GRIA2: variants seen among roughly 807,000 people sequenced by gnomAD.
The protein encoded by GRIA2 is glutamate ionotropic receptor AMPA type subunit 2, also known as glutamate receptor 2.
GRIA2 carries 14 observed loss-of-function variants against 97.3 expected under a neutral mutation model. The observed-to-expected ratio is 0.14, with a 90% CI of 0.10 to 0.23. GRIA2 has a LOEUF of 0.23. Ranked by LOEUF, GRIA2 falls within the 10% of genes least tolerant of loss-of-function variation. GRIA2 has a pLI of 1.00. For synonymous variants in GRIA2, 412 were observed against 387.8 expected (o/e 1.06, Z -0.73); for missense variants, 558 against 1,069.8 (o/e 0.52, Z 6.67).
In GRIA2 at chr4:157,364,655, T is replaced by C. The variant is rs1173559735; in HGVS notation, c.*1224T>C. 2 of 152,188 alleles carry C rather than the reference T, an allele frequency of 1.3e-5. No individual in the cohort carries two copies. Among genetic ancestry groups the C allele is most frequent in the Non-Finnish European group, 2.9e-5 (2 of 67,808 alleles). The allele number at this position is 152,188 out of a possible 1,614,324, so 9.4% of individuals were successfully genotyped here. A position where few individuals can be genotyped will look rare whatever the true frequency, so the allele number is the denominator to read the frequency against. The stretch of plus-strand genomic sequence containing the variant: ...GAAGTAAAAAATGCCTTGAAAGTAA[T>C]TCTTTAGATAGTTGCCCATTGATTA... On this transcript the variant is annotated 3_prime_UTR_variant, in exon 16 of 16. Coordinates refer to ENST00000264426, the MANE Select transcript of GRIA2 (RefSeq NM_001083619.3).
At chr4:157,232,146 A>C (rs1265637457) in intron 2 of GRIA2, among the ~76,000 whole-genome samples, 2 of 152,206 alleles carry the variant, frequency 1.3e-5, no homozygotes, top group Non-Finnish European at 2.9e-5. Flanking sequence ...CTAACTTGGA[A>C]AATTGAAAAC....
At chr4:157,273,983 T>TA in intron 2 of GRIA2, among the ~76,000 whole-genome samples, 1 of 152,074 alleles carries the variant, frequency 6.6e-6, no homozygotes, top group Admixed American at 6.6e-5. Context: ...ATGGGAAAAA[T>TA]ATCTCACCTA....
intron 2 of GRIA2, among the ~76,000 whole-genome samples, chr4:157,231,640 G>A (rs539495516): frequency 1.8e-4 from 27 of 152,268 alleles, no homozygotes; most frequent in African/African-American, 6.5e-4. Flanking sequence ...CGACTAGACT[G>A]CATTTTATAG....
At chr4:157,316,831 C>T (rs1734343750) in intron 4 of GRIA2, among the ~76,000 whole-genome samples, 1 of 152,192 alleles carries the variant, frequency 6.6e-6, no homozygotes, top group Non-Finnish European at 1.5e-5. Context: ...AAAAAACATA[C>T]ATTACATTAC....
chr4:157,355,697 T>G (rs1300180828), intron 12 of GRIA2, among the ~76,000 whole-genome samples: 1 of 40,590 alleles, frequency 2.5e-5, no homozygotes, highest in African/African-American at 4.3e-5. Flanking sequence ...TATTTATTTA[T>G]ATATATTTGT....
intron 2 of GRIA2, among the ~76,000 whole-genome samples, chr4:157,257,144 C>G (rs1344170148): frequency 6.6e-6 from 1 of 152,016 alleles, no homozygotes; most frequent in Non-Finnish European, 1.5e-5. Context: ...AAACAAGTGT[C>G]AGGTAAATGC....
At chr4:157,238,342 T>G (rs1730344983) in intron 2 of GRIA2, among the ~76,000 whole-genome samples, 2 of 152,162 alleles carry the variant, frequency 1.3e-5, no homozygotes, top group African/African-American at 4.8e-5. Context: ...TAATGTGGGC[T>G]TATTGATAGG....
chr4:157,271,874 G>T (rs1165236933), intron 2 of GRIA2, among the ~76,000 whole-genome samples: 2 of 152,060 alleles, frequency 1.3e-5, no homozygotes, highest in Non-Finnish European at 2.9e-5. Flanking sequence ...TGTTTGTCAA[G>T]AAACAGGGTT....
At chr4:157,272,592 C>T (rs1426243487) in intron 2 of GRIA2, among the ~76,000 whole-genome samples, 1 of 152,082 alleles carries the variant, frequency 6.6e-6, no homozygotes, top group Admixed American at 6.6e-5. Context: ...TAGAGTTCTA[C>T]CAGATTCTCA....
At chr4:157,251,210 G>A (rs1189065556) in intron 2 of GRIA2, among the ~76,000 whole-genome samples, 1 of 151,998 alleles carries the variant, frequency 6.6e-6, no homozygotes, top group Non-Finnish European at 1.5e-5. Context: ...ACCAGGAGAT[G>A]GAGAATCACA....
chr4:157,242,353 C>A (rs1730546916), intron 2 of GRIA2, among the ~76,000 whole-genome samples: 1 of 151,972 alleles, frequency 6.6e-6, no homozygotes. Flanking sequence ...TTATTGTCAA[C>A]TTTTTCTTAG....
At chr4:157,298,192 GA>G (rs1192235682) in intron 2 of GRIA2, among the ~76,000 whole-genome samples, 5 of 152,088 alleles carry the variant, frequency 3.3e-5, no homozygotes, top group Non-Finnish European at 7.4e-5. Context: ...GAAAGAAAAG[GA>G]AAGTGAAGGT....
chr4:157,294,774 T>C (rs1733267145), intron 2 of GRIA2, among the ~76,000 whole-genome samples: 1 of 152,110 alleles, frequency 6.6e-6, no homozygotes, highest in Non-Finnish European at 1.5e-5. Context: ...CTGGCTGGTG[T>C]CACAGCAAGG....
intron 12 of GRIA2, among the ~76,000 whole-genome samples, chr4:157,355,642 T>A (rs1736230901): frequency 7.4e-6 from 1 of 135,972 alleles, no homozygotes; most frequent in Non-Finnish European, 1.5e-5. Flanking sequence ...TTATATATAT[T>A]TATTTATATA....
chr4:157,320,173 A>G (rs1177814615), intron 5 of GRIA2, among the ~76,000 whole-genome samples: 4 of 152,122 alleles, frequency 2.6e-5, no homozygotes, highest in African/African-American at 9.6e-5. Context: ...GATTATAAAC[A>G]TGGGCTGAGA....
At chr4:157,240,008 T>C (rs1198508466) in intron 2 of GRIA2, among the ~76,000 whole-genome samples, 1 of 152,106 alleles carries the variant, frequency 6.6e-6, no homozygotes, top group Non-Finnish European at 1.5e-5. Flanking sequence ...ACAACTGACA[T>C]ATTGAGATAG....
intron 2 of GRIA2, among the ~76,000 whole-genome samples, chr4:157,223,582 A>AT (rs2126674393): frequency 6.6e-6 from 1 of 152,240 alleles, no homozygotes; most frequent in South Asian, 2.1e-4. Context: ...GTAAGTTCCA[A>AT]TTTTTCCTGA....
intron 2 of GRIA2, among the ~76,000 whole-genome samples, chr4:157,301,579 G>A (rs747350425): frequency 6.6e-6 from 1 of 152,188 alleles, no homozygotes; most frequent in Non-Finnish European, 1.5e-5. Context: ...CCGTACAACA[G>A]TTACTAAACA....
chr4:157,229,657 G>A (rs1228396142), intron 2 of GRIA2, among the ~76,000 whole-genome samples: 1 of 152,154 alleles, frequency 6.6e-6, no homozygotes, highest in African/African-American at 2.4e-5. Context: ...TTATGGTTAT[G>A]TTAATACTTA....
Sources: gnomAD v4.1 joint callset for allele counts (sites outside exome capture counted in the v4.1 genomes callset) on GRCh38, gnomAD v4.1.1 for gene constraint, MANE v1.5 for transcripts, NCBI Gene and HGNC (gene_info 2026-07-23, HGNC 2026-07-21) for gene names.